The following TIAM1 variants were observed in gnomAD, a reference collection of about 807,000 sequenced individuals.
TIAM1 encodes the protein rho guanine nucleotide exchange factor TIAM1.
In TIAM1, 65 loss-of-function variants were observed where a neutral mutation model predicts 163.5. That is an observed-to-expected ratio of 0.40 (90% confidence interval 0.33 to 0.49). The LOEUF (loss-of-function observed/expected upper bound fraction) is 0.49, where lower values mean the gene tolerates loss of function less well. Ranked by LOEUF, TIAM1 falls within the 20% of genes least tolerant of loss-of-function variation. TIAM1 has a pLI of 0.77. For synonymous variants in TIAM1, 833 were observed against 810.1 expected, an observed-to-expected ratio of 1.03 and a Z score of -0.48; for missense variants, 1,789 against 2,044.7, an observed-to-expected ratio of 0.87 and a Z score of 2.41.
chr21:31,349,421 C>T (rs1384784064), intron 2 of TIAM1, among the ~76,000 whole-genome samples: 2 of 152,158 alleles, frequency 1.3e-5, no homozygotes, highest in African/African-American at 4.8e-5. Context: ...GCTGTCCCAC[C>T]CACACACACA....
At chr21:31,246,953 T>A (rs762448678) in intron 5 of TIAM1, among the ~76,000 whole-genome samples, 3 of 152,238 alleles carry the variant, frequency 2.0e-5, no homozygotes, top group Non-Finnish European at 4.4e-5. Flanking sequence ...GGAGTCTCAA[T>A]TATTCCTTCT....
chr21:31,239,378 C>T (rs2071051138), intron 6 of TIAM1, among the ~76,000 whole-genome samples: 3 of 152,100 alleles, frequency 2.0e-5, no homozygotes. Flanking sequence ...GATCTGCCTG[C>T]CTTGGCCCCC....
intron 2 of TIAM1, among the ~76,000 whole-genome samples, chr21:31,385,829 ATATAT>A (rs1311873967): frequency 2.0e-5 from 3 of 147,342 alleles, no homozygotes; most frequent in Non-Finnish European, 4.5e-5. Context: ...AAAATGTTTA[ATATAT>A]TATATATTTA....
chr21:31,189,891 G>A (rs896034055), intron 13 of TIAM1, among the ~76,000 whole-genome samples: 3 of 152,140 alleles, frequency 2.0e-5, no homozygotes, highest in African/African-American at 7.2e-5. Context: ...AATCAGCAAA[G>A]TCAGATCTAT....
intron 23 of TIAM1, among the ~76,000 whole-genome samples, chr21:31,132,611 CTA>C (rs1181043676): frequency 2.0e-5 from 3 of 152,206 alleles, no homozygotes; most frequent in Non-Finnish European, 4.4e-5. Context: ...CAGCTCAATG[CTA>C]TGATTCCCTC....
intron 1 of TIAM1, among the ~76,000 whole-genome samples, chr21:31,526,921 C>T (rs1290682139): frequency 2.0e-5 from 3 of 152,092 alleles, no homozygotes; most frequent in South Asian, 2.1e-4. Context: ...AGGCTGGTCT[C>T]GAACTCCTGA....
rs753896119 is a variant in TIAM1, at chr21:31,141,296, C to A, written c.3655+29G>T. Reference sequence around the variant, plus strand: ...TTAGAGACCCTCATGGAGACTCAGGCCTGCCGGGGGTCCCAGGCCGAGGCC... The same window carrying A: ...TTAGAGACCCTCATGGAGACTCAGGACTGCCGGGGGTCCCAGGCCGAGGCC... On this transcript the variant is annotated intron_variant, in intron 21 of 27. Transcript: ENST00000541036. The surrounding 1 kb of genome is among the most constrained non-coding windows in gnomAD (Gnocchi z 4.7). 2 of 1,613,512 alleles carry A rather than the reference C, an allele frequency of 1.2e-6. No individual in the cohort carries two copies. The highest frequency in any genetic ancestry group is 1.7e-6 in the Non-Finnish European group (2 of 1,179,600).
chr21:31,434,939 C>T (rs1012946330), intron 2 of TIAM1, among the ~76,000 whole-genome samples: 1 of 152,162 alleles, frequency 6.6e-6, no homozygotes, highest in Non-Finnish European at 1.5e-5. Flanking sequence ...ACTTAGTAAA[C>T]GAATGAAGTA....
intron 1 of TIAM1, among the ~76,000 whole-genome samples, chr21:31,340,768 C>A (rs2075990771): frequency 6.6e-6 from 1 of 150,988 alleles, no homozygotes; most frequent in South Asian, 2.1e-4. Context: ...GCTTTGTACT[C>A]ATTTCATTTT....
At chr21:31,121,133 A>G (rs1488600602) in intron 27 of TIAM1, among the ~76,000 whole-genome samples, 1 of 152,060 alleles carries the variant, frequency 6.6e-6, no homozygotes. Context: ...CTCTGAAATA[A>G]TCTACTGTTC....
chr21:31,178,638 C>A lies in TIAM1; in HGVS notation c.2887+3783G>T, dbSNP rs115442626. Among the ~76,000 whole-genome samples, 1,294 of 152,018 alleles carry A rather than the reference C, an allele frequency of 8.5e-3. 24 individuals are homozygous for A. Among genetic ancestry groups the A allele is most frequent in the African/African-American group, 0.029 (1,221 of 41,468 alleles). On this transcript the variant is annotated intron_variant, in intron 15 of 27. Transcript: ENST00000541036. ...CTTCTGAAATTTACTAATTTTGAAG[C>A]CAGTTTAGAAACTTTACCAAAAACA...
chr21:31,385,454 G>A (rs1340041291), intron 2 of TIAM1, among the ~76,000 whole-genome samples: 1 of 152,110 alleles, frequency 6.6e-6, no homozygotes, highest in South Asian at 2.1e-4. Context: ...AGGGTCCCAA[G>A]GCATTTTGGG....
At chr21:31,381,592 T>C (rs1375690973) in intron 2 of TIAM1, among the ~76,000 whole-genome samples, 2 of 152,032 alleles carry the variant, frequency 1.3e-5, no homozygotes, top group Non-Finnish European at 2.9e-5. Flanking sequence ...CACTTGAACA[T>C]GGGAGGCGGA....
intron 2 of TIAM1, among the ~76,000 whole-genome samples, chr21:31,369,641 T>C (rs1428469722): frequency 6.6e-6 from 1 of 152,214 alleles, no homozygotes; most frequent in Non-Finnish European, 1.5e-5. Flanking sequence ...TCATCACACA[T>C]TGTATACTTG....
Position 31,394,454 on chromosome 21 carries a change from G to A in TIAM1, c.-368-55032C>T, listed in dbSNP as rs1388210902. 5.9e-5 allele frequency among the ~76,000 whole-genome samples: 9 copies of A among 152,206 alleles called. No individual in the cohort carries two copies. In the South Asian group the frequency reaches 1.2e-3, roughly 21 times the overall value. ...CACGTAATTATACATTGGTCCAAAC[G>A]CACAGAAGGTACAACACTGAGAGTG... On this transcript the variant is annotated intron_variant, in intron 2 of 28. Transcript: ENST00000286827.
At chr21:31,228,220 TAAAAAAAAAAAAAAAAAAA>T (rs71191197) in intron 6 of TIAM1, among the ~76,000 whole-genome samples, 183 of 16,262 alleles carry the variant, frequency 0.011, 9 homozygotes, top group Non-Finnish European at 0.018. Context: ...CTCCTTTTTT[TAAAAAAAAAAAAAAAAAAA>T]AAAAAAAAAA....
chr21:31,522,004 T>C (rs937232320), intron 1 of TIAM1, among the ~76,000 whole-genome samples: 5 of 151,878 alleles, frequency 3.3e-5, no homozygotes, highest in Non-Finnish European at 5.9e-5. Flanking sequence ...CCCAAGTAGC[T>C]GGGACTAGAG....
intron 4 of TIAM1, among the ~76,000 whole-genome samples, chr21:31,265,237 G>A (rs1184336397): frequency 2.6e-5 from 3 of 116,768 alleles, no homozygotes; most frequent in East Asian, 4.9e-4. Context: ...ATGGAGTCTC[G>A]CTTTTGTTGC....
chr21:31,341,786 C>T (rs146451884), intron 1 of TIAM1, among the ~76,000 whole-genome samples: 2 of 152,296 alleles, frequency 1.3e-5, no homozygotes, highest in African/African-American at 4.8e-5. Flanking sequence ...TTTTCAAAGG[C>T]TGTTTAAGGC....
Sources: allele counts gnomAD v4.1 joint callset (sites outside exome capture counted in the v4.1 genomes callset), GRCh38; gene constraint gnomAD v4.1.1; non-coding constraint Gnocchi (gnomAD v3.1); transcripts MANE v1.5; gene names NCBI Gene and HGNC (gene_info 2026-07-23, HGNC 2026-07-21).